Variants in JAKMIP3 observed in about 807,000 individuals in gnomAD.
JAKMIP3 encodes the protein Janus kinase and microtubule interacting protein 3, also known as janus kinase and microtubule-interacting protein 3.
JAKMIP3 carries 58 observed loss-of-function variants against 118.5 expected under a neutral mutation model. That is an observed-to-expected ratio of 0.49 (90% CI 0.40 to 0.61). JAKMIP3 has a LOEUF of 0.61. JAKMIP3 is among the 20% of genes least tolerant of loss of function. The pLI is 0.00. For missense variants in JAKMIP3, 950 were observed against 1,109.0 expected, an observed-to-expected ratio of 0.86 and a Z score of 2.04; for synonymous variants, 486 against 451.2, an observed-to-expected ratio of 1.08 and a Z score of -0.98.
At chr10:132,122,369 C>T (rs1215459757) in intron 3 of JAKMIP3, among the ~76,000 whole-genome samples, 3 of 152,268 alleles carry the variant, frequency 2.0e-5, no homozygotes, top group Non-Finnish European at 4.4e-5. Context: ...CAGACACCAG[C>T]CTGACTGTGG....
At chr10:132,082,835 T>C (rs1286915777) in intron 1 of JAKMIP3, among the ~76,000 whole-genome samples, 1 of 152,240 alleles carries the variant, frequency 6.6e-6, no homozygotes, top group Non-Finnish European at 1.5e-5. Flanking sequence ...GGTCTCGATC[T>C]CTTGACCTCG....
intron 1 of JAKMIP3, among the ~76,000 whole-genome samples, chr10:132,072,790 C>T (rs899885209): frequency 6.6e-4 from 100 of 152,112 alleles, no homozygotes; most frequent in African/African-American, 2.0e-3. Context: ...TTAGGGTACA[C>T]GTGTAGATTT....
chr10:132,038,484 A>G (rs912782343), intron 1 of JAKMIP3, among the ~76,000 whole-genome samples: 2 of 152,200 alleles, frequency 1.3e-5, no homozygotes, highest in Non-Finnish European at 2.9e-5. Flanking sequence ...ACGACACAAA[A>G]GAAATAGCGA....
At position 132,044,870 on chromosome 10, in the gene JAKMIP3, T is replaced by C. The variant is rs1014002897; in HGVS notation, c.-138+8132T>C. ...TAGGGGCCTCAGCTGAGTAGAATCATGGTATTTGTGCGTGTGTGTGACTGG... is the reference window on the plus strand; with the variant it reads ...TAGGGGCCTCAGCTGAGTAGAATCACGGTATTTGTGCGTGTGTGTGACTGG... On this transcript the variant is annotated intron_variant, in intron 1 of 23. Transcript: ENST00000657785. This position sits in a 1 kb window ranked among gnomAD's most constrained non-coding sequence, Gnocchi z 5.3. Among the ~76,000 whole-genome samples, 6 of 151,266 alleles carry C rather than the reference T, an allele frequency of 4.0e-5. No homozygotes were observed. Among genetic ancestry groups the C allele is most frequent in the East Asian group, 3.9e-4 (2 of 5,102 alleles).
intron 1 of JAKMIP3, among the ~76,000 whole-genome samples, chr10:132,053,798 G>A (rs1188991342): frequency 6.6e-6 from 1 of 151,858 alleles, no homozygotes; most frequent in Non-Finnish European, 1.5e-5. Flanking sequence ...ACTTTGGGAG[G>A]CCGAGGCGGG....
upstream of JAKMIP3, among the ~76,000 whole-genome samples, chr10:132,063,757 T>C (rs2038491240): frequency 6.6e-6 from 1 of 152,228 alleles, no homozygotes; most frequent in African/African-American, 2.4e-5. Flanking sequence ...TTTTTTCTGA[T>C]TCTAAAAATA....
intron 1 of JAKMIP3, among the ~76,000 whole-genome samples, chr10:132,043,417 A>C (rs558753369): frequency 1.3e-5 from 2 of 152,126 alleles, no homozygotes; most frequent in South Asian, 2.1e-4. Context: ...ACAAATCTGC[A>C]CTGTACCTTT....
At chr10:132,102,636 G>A (rs1234343120) in intron 1 of JAKMIP3, among the ~76,000 whole-genome samples, 3 of 152,198 alleles carry the variant, frequency 2.0e-5, no homozygotes, top group African/African-American at 7.2e-5. Context: ...CCTCCCAGGT[G>A]ACGGGTCACC....
intron 22 of JAKMIP3, among the ~76,000 whole-genome samples, 156 bp downstream of exon 22, chr10:132,167,211 C>T (rs572557904): frequency 6.6e-5 from 10 of 152,312 alleles, no homozygotes; most frequent in Admixed American, 5.2e-4. Flanking sequence ...AAGCCACCCG[C>T]GTCCTTCAAC....
intron 13 of JAKMIP3, 70 bp downstream of exon 13, chr10:132,145,650 C>A: frequency 2.3e-6 from 3 of 1,321,658 alleles, no homozygotes; most frequent in Non-Finnish European, 3.2e-6. Flanking sequence ...GTGGTCCCTG[C>A]GGGGCTGAAG....
intron 11 of JAKMIP3, among the ~76,000 whole-genome samples, chr10:132,142,589 A>C (rs1178832278): frequency 6.6e-6 from 1 of 152,154 alleles, no homozygotes; most frequent in African/African-American, 2.4e-5. Context: ...TCCCCCAGGA[A>C]AGGCCTCAGT....
chr10:132,045,389 G>A (rs2037878694), intron 1 of JAKMIP3, among the ~76,000 whole-genome samples: 11 of 152,256 alleles, frequency 7.2e-5, no homozygotes, highest in Admixed American at 7.2e-4. Context: ...CTCTAGGAGA[G>A]GGTCCGAGGC....
chr10:132,180,568 CGTGTGT>C (rs1211647270), intron 23 of JAKMIP3, among the ~76,000 whole-genome samples: 1 of 22,312 alleles, frequency 4.5e-5, no homozygotes, highest in Non-Finnish European at 7.6e-5. Flanking sequence ...CGTGTGTGTG[CGTGTGT>C]GTGTGCGTGC....
chr10:132,099,448 T>C (rs546585383), intron 1 of JAKMIP3, among the ~76,000 whole-genome samples: 2 of 152,310 alleles, frequency 1.3e-5, no homozygotes, highest in South Asian at 4.1e-4. Flanking sequence ...CAATCTGCAC[T>C]GTTAATTTAA....
intron 19 of JAKMIP3, among the ~76,000 whole-genome samples, chr10:132,159,623 C>CATG (rs1225725965): frequency 7.4e-4 from 51 of 69,010 alleles, no homozygotes; most frequent in Non-Finnish European, 9.7e-4. Flanking sequence ...GCTGGGGGTC[C>CATG]TCTTCCTTTG....
intron 19 of JAKMIP3, among the ~76,000 whole-genome samples, chr10:132,162,937 C>T (rs1323465307): frequency 1.3e-5 from 2 of 152,240 alleles, no homozygotes; most frequent in South Asian, 4.1e-4. Context: ...TCAGCTTCCC[C>T]ACTTCATAGC....
intron 1 of JAKMIP3, among the ~76,000 whole-genome samples, chr10:132,082,743 T>C (rs1589770666): frequency 6.6e-6 from 1 of 152,142 alleles, no homozygotes; most frequent in African/African-American, 2.4e-5. Context: ...CCCGAGTAGC[T>C]GGGACTACAG....
chr10:132,176,432 T>C (rs1227744336), intron 23 of JAKMIP3, among the ~76,000 whole-genome samples: 4 of 152,226 alleles, frequency 2.6e-5, no homozygotes, highest in Non-Finnish European at 4.4e-5. Context: ...CTCTTGCTGC[T>C]GGTCTGCAGC....
chr10:132,123,730 C>T (rs2048976599), intron 3 of JAKMIP3, among the ~76,000 whole-genome samples: 1 of 152,188 alleles, frequency 6.6e-6, no homozygotes, highest in Admixed American at 6.5e-5. Flanking sequence ...TTCCTTTGCA[C>T]CCCAAGCCTG....
Sources: allele counts gnomAD v4.1 joint callset (sites outside exome capture counted in the v4.1 genomes callset), GRCh38; gene constraint gnomAD v4.1.1; non-coding constraint Gnocchi (gnomAD v3.1); transcripts MANE v1.5; gene names NCBI Gene and HGNC (gene_info 2026-07-23, HGNC 2026-07-21).